Variants in MYT1L observed in about 807,000 individuals in gnomAD.
MYT1L encodes myelin transcription factor 1 like.
MYT1L carries 12 observed loss-of-function variants against 126.7 expected under a neutral mutation model. The observed-to-expected ratio is 0.09, with a 90% CI of 0.06 to 0.15. The LOEUF (loss-of-function observed/expected upper bound fraction) is 0.15. MYT1L is among the 10% of genes least tolerant of loss of function. The pLI is 1.00. For missense variants in MYT1L, 979 were observed against 1,585.2 expected (o/e 0.62, Z 6.49); for synonymous variants, 541 against 604.2 (o/e 0.90, Z 1.53).
intron 2 of MYT1L, among the ~76,000 whole-genome samples, chr2:2,253,246 T>TAA: frequency 6.6e-6 from 1 of 152,242 alleles, no homozygotes; most frequent in Non-Finnish European, 1.5e-5. Flanking sequence ...CTGCAGCTTT[T>TAA]GCTGCCCCCC....
At chr2:2,084,833 A>C (rs543570800) in intron 3 of MYT1L, among the ~76,000 whole-genome samples, 1 of 152,358 alleles carries the variant, frequency 6.6e-6, no homozygotes, top group African/African-American at 2.4e-5. Context: ...GAAAGGAATG[A>C]ATTAGCAAAA....
At chr2:2,065,823 TACACACAC>T (rs71824780) in intron 3 of MYT1L, among the ~76,000 whole-genome samples, 5 of 144,820 alleles carry the variant, frequency 3.5e-5, no homozygotes, top group Admixed American at 2.1e-4. Context: ...CTCTCTTTTA[TACACACAC>T]ACACACACAC....
intron 1 of MYT1L, among the ~76,000 whole-genome samples, chr2:2,294,218 C>G (rs929655204): frequency 6.6e-6 from 1 of 152,174 alleles, no homozygotes; most frequent in Non-Finnish European, 1.5e-5. Context: ...GGCGGTGCCC[C>G]GGTCACTTGA....
chr2:1,796,386 C>T (rs1292927050), intron 23 of MYT1L, among the ~76,000 whole-genome samples: 1 of 152,136 alleles, frequency 6.6e-6, no homozygotes, highest in African/African-American at 2.4e-5. Flanking sequence ...GGGAGGACTG[C>T]CTCCTGCCCA....
chr2:2,112,682 C>T (rs1017039159), intron 3 of MYT1L, among the ~76,000 whole-genome samples: 3 of 152,168 alleles, frequency 2.0e-5, no homozygotes, highest in Non-Finnish European at 4.4e-5. Flanking sequence ...GACCCCGGAC[C>T]ACACTGAGGA....
At chr2:2,204,742 C>T (rs2093243223) in intron 2 of MYT1L, among the ~76,000 whole-genome samples, 1 of 151,684 alleles carries the variant, frequency 6.6e-6, no homozygotes, top group Admixed American at 6.6e-5. Flanking sequence ...TACCATTTGA[C>T]CCAGCCATCC....
intron 4 of MYT1L, among the ~76,000 whole-genome samples, chr2:2,014,327 C>T (rs1395948816): frequency 2.6e-5 from 4 of 152,098 alleles, no homozygotes; most frequent in South Asian, 2.1e-4. Flanking sequence ...CTCCAAGTTC[C>T]TTCCAAACAG....
intron 13 of MYT1L, among the ~76,000 whole-genome samples, chr2:1,904,659 C>T (rs529758958): frequency 6.6e-6 from 1 of 152,040 alleles, no homozygotes; most frequent in African/African-American, 2.4e-5. Context: ...GCTTGAGCCA[C>T]CACGCCTGGC....
chr2:2,089,173 T>G (rs2076653386), intron 3 of MYT1L, among the ~76,000 whole-genome samples: 1 of 152,094 alleles, frequency 6.6e-6, no homozygotes, highest in Non-Finnish European at 1.5e-5. Context: ...AATAAGAGGG[T>G]CAGGTCTAAA....
chr2:2,014,196 G>GTTT (rs542058607), intron 4 of MYT1L, among the ~76,000 whole-genome samples: 6,028 of 137,082 alleles, frequency 0.044, 195 homozygotes, highest in Non-Finnish European at 0.068. Flanking sequence ...CAGGAATCCT[G>GTTT]TTTTTTTTTT....
chr2:1,976,021 A>G (rs1256502270), intron 8 of MYT1L, among the ~76,000 whole-genome samples: 1 of 151,762 alleles, frequency 6.6e-6, no homozygotes, highest in African/African-American at 2.4e-5. Context: ...ACTGAAATAC[A>G]ACTTTTTACT....
intron 4 of MYT1L, among the ~76,000 whole-genome samples, chr2:2,012,791 C>T (rs1358926171): frequency 6.6e-6 from 1 of 152,194 alleles, no homozygotes; most frequent in East Asian, 1.9e-4. Context: ...TGGAAGCCAT[C>T]TCAGTCATGA....
At chr2:2,110,201 G>A (rs1424614601) in intron 3 of MYT1L, among the ~76,000 whole-genome samples, 3 of 151,866 alleles carry the variant, frequency 2.0e-5, no homozygotes, top group Non-Finnish European at 4.4e-5. Context: ...CAGAGGAGAA[G>A]TCAATTCTAA....
intron 9 of MYT1L, among the ~76,000 whole-genome samples, chr2:1,928,046 CT>C (rs932951183): frequency 6.6e-6 from 1 of 152,156 alleles, no homozygotes; most frequent in African/African-American, 2.4e-5. Flanking sequence ...CTCATTCCCC[CT>C]GGCTCAAGTG....
chr2:1,854,581 AAAAC>A (rs1158163489), intron 18 of MYT1L, among the ~76,000 whole-genome samples: 2 of 152,254 alleles, frequency 1.3e-5, no homozygotes, highest in African/African-American at 2.4e-5. Context: ...TTTCATCATG[AAAAC>A]AAACAAAACT....
chr2:2,130,403 C>T (rs1000062715), intron 3 of MYT1L, among the ~76,000 whole-genome samples: 6 of 152,048 alleles, frequency 3.9e-5, no homozygotes, highest in African/African-American at 1.4e-4. Context: ...GAATGGTATT[C>T]CCCTGGATCC....
intron 4 of MYT1L, among the ~76,000 whole-genome samples, chr2:2,021,821 C>T (rs532950875): frequency 3.3e-5 from 5 of 152,044 alleles, no homozygotes; most frequent in African/African-American, 4.8e-5. Flanking sequence ...GGCGTGAACC[C>T]GGGTGGCGGA....
intron 3 of MYT1L, among the ~76,000 whole-genome samples, chr2:2,069,417 G>T (rs1188090839): frequency 6.6e-6 from 1 of 152,024 alleles, no homozygotes; most frequent in East Asian, 1.9e-4. Context: ...CTTTTTTATG[G>T]CTGCATAGTA....
At chr2:2,182,627 G>A (rs996108737) in intron 2 of MYT1L, among the ~76,000 whole-genome samples, 3 of 152,180 alleles carry the variant, frequency 2.0e-5, no homozygotes, top group Admixed American at 6.5e-5. Context: ...CAGGCATTGC[G>A]TCGGTTTTTC....
Sources: gnomAD v4.1 joint callset for allele counts (sites outside exome capture counted in the v4.1 genomes callset) on GRCh38, gnomAD v4.1.1 for gene constraint, MANE v1.5 for transcripts, NCBI Gene and HGNC (gene_info 2026-07-23, HGNC 2026-07-21) for gene names.